The following SLAMF9 variants were observed in gnomAD, a reference collection of about 807,000 sequenced individuals.
The protein encoded by SLAMF9 is CD2 family member 10.
In SLAMF9, 25 loss-of-function variants were observed where a neutral mutation model predicts 30.4. That is an observed-to-expected ratio of 0.82 (90% confidence interval 0.60 to 1.15). SLAMF9 has a LOEUF of 1.15. SLAMF9 is among the 50% of genes most tolerant of loss of function. The probability of loss-of-function intolerance (pLI) is 0.00; values close to 1 mark genes in which losing one functional copy is unlikely to be tolerated. For missense variants in SLAMF9, 344 were observed against 346.1 expected, an observed-to-expected ratio of 0.99 and a Z score of 0.05; for synonymous variants, 129 against 127.2, an observed-to-expected ratio of 1.01 and a Z score of -0.09.
the SLAMF9 span, among the ~76,000 whole-genome samples, chr1:159,964,740 C>G: frequency 6.6e-6 from 1 of 152,154 alleles, no homozygotes; most frequent in Non-Finnish European, 1.5e-5. Context: ...CTTGATTAAA[C>G]AAATTTGAGA....
At chr1:159,951,960 A>G in intron 3 of SLAMF9, 94 bp from the exon 4 acceptor site, 1 of 1,059,114 alleles carries the variant, frequency 9.4e-7, no homozygotes, top group South Asian at 1.5e-5. Context: ...AAGGGGTCTC[A>G]AGTTCACAAT....
chr1:159,952,596 G>T, intron 2 of SLAMF9, 62 bp from the exon 3 acceptor site: 1 of 1,570,722 alleles, frequency 6.4e-7, no homozygotes. Flanking sequence ...GTTTTCCTAA[G>T]CTCCTCAAAC....
the SLAMF9 span, chr1:159,983,650 A>G: frequency 6.6e-6 from 1 of 152,258 alleles, no homozygotes; most frequent in Non-Finnish European, 1.5e-5. Context: ...GCTTAGGCTG[A>G]AAGTCAACAT....
chr1:159,965,298 G>C, the SLAMF9 span, among the ~76,000 whole-genome samples: 5 of 152,202 alleles, frequency 3.3e-5, no homozygotes, highest in Non-Finnish European at 5.9e-5. Flanking sequence ...GGAACACCAA[G>C]GGATGGGGGC....
At chr1:159,966,439 C>T in the SLAMF9 span, among the ~76,000 whole-genome samples, 2 of 152,144 alleles carry the variant, frequency 1.3e-5, no homozygotes, top group Non-Finnish European at 1.5e-5. Flanking sequence ...AAAGGGATAT[C>T]CTTTCAACAC....
In SLAMF9 at chr1:159,953,430, G is replaced by T. The variant is rs866077016; in HGVS notation, c.270C>A (p.Asp90Glu). 1.2e-6 allele frequency: 2 copies of T among 1,614,234 alleles called. No individual in the cohort carries two copies. Among genetic ancestry groups the T allele is most frequent in the African/African-American group, 1.3e-5 (1 of 75,058 alleles). The change falls in exon 2 of 4, where the codon GAC becomes GAA. Residue 90 changes from aspartate to glutamate, a missense_variant. Asp to Glu is a conservative substitution (Grantham distance 45). Transcript: ENST00000368093. ...PHYQGQVSFL[D>E]PSYSLHISNL... is the part of the protein sequence containing the mutation. ...TGCTGATATGCAGGGAATAGCTGGG[G>T]TCCAGGAAGCTCACTTGGCCCTGGT...
the SLAMF9 span, among the ~76,000 whole-genome samples, chr1:159,977,845 G>T: frequency 1.3e-5 from 2 of 152,150 alleles, no homozygotes; most frequent in African/African-American, 4.8e-5. Flanking sequence ...CATGAACATA[G>T]GCGTACTCAT....
At chr1:159,956,564 C>G (rs1651925652), upstream of SLAMF9, among the ~76,000 whole-genome samples, 1 of 152,114 alleles carries the variant, frequency 6.6e-6, no homozygotes, top group Non-Finnish European at 1.5e-5. Flanking sequence ...ATCCTCCAGG[C>G]CCACTGAGTG....
the SLAMF9 span, among the ~76,000 whole-genome samples, chr1:159,968,976 A>C: frequency 6.6e-6 from 1 of 152,058 alleles, no homozygotes; most frequent in African/African-American, 2.4e-5. Flanking sequence ...CAGGTTGTAG[A>C]GGTTGCAGTG....
chr1:159,966,559 G>A, the SLAMF9 span, among the ~76,000 whole-genome samples: 1 of 152,158 alleles, frequency 6.6e-6, no homozygotes, highest in Admixed American at 6.5e-5. Context: ...CATAATAGCT[G>A]TACTAATTTA....
At chr1:159,977,453 T>C in the SLAMF9 span, among the ~76,000 whole-genome samples, 1 of 152,194 alleles carries the variant, frequency 6.6e-6, no homozygotes, top group African/African-American at 2.4e-5. Context: ...TTCTAGTCTC[T>C]TTTCTACCCT....
At chr1:159,959,375 C>A in the SLAMF9 span, among the ~76,000 whole-genome samples, 1 of 152,130 alleles carries the variant, frequency 6.6e-6, no homozygotes, top group East Asian at 1.9e-4. Context: ...GGACATCTGG[C>A]CACACATCTC....
chr1:159,973,103 G>T, the SLAMF9 span: 1 of 1,515,888 alleles, frequency 6.6e-7, no homozygotes, highest in Non-Finnish European at 8.9e-7. Context: ...CTCCTGGGAT[G>T]CAGAGTTCTG....
At chr1:159,968,778 C>T in the SLAMF9 span, among the ~76,000 whole-genome samples, 10 of 152,158 alleles carry the variant, frequency 6.6e-5, no homozygotes, top group African/African-American at 1.9e-4. Context: ...GGCCCAGGCA[C>T]GGTGGCTCAC....
the SLAMF9 span, among the ~76,000 whole-genome samples, chr1:159,977,590 A>C: frequency 2.0e-5 from 3 of 152,228 alleles, no homozygotes; most frequent in African/African-American, 7.2e-5. Flanking sequence ...TCAGTAGAGA[A>C]GCCTGGTGTA....
the SLAMF9 span, among the ~76,000 whole-genome samples, chr1:159,982,677 C>T: frequency 2.0e-5 from 3 of 152,300 alleles, no homozygotes; most frequent in East Asian, 3.9e-4. Flanking sequence ...CATAGTACAT[C>T]GTGTAATGTT....
At chr1:159,957,724 C>T (rs573969280), upstream of SLAMF9, among the ~76,000 whole-genome samples, 13 of 152,240 alleles carry the variant, frequency 8.5e-5, no homozygotes, top group Admixed American at 1.3e-4. Flanking sequence ...TTAGCCATTT[C>T]ACAACATATT....
At chr1:159,960,624 C>A in the SLAMF9 span, among the ~76,000 whole-genome samples, 2 of 152,188 alleles carry the variant, frequency 1.3e-5, no homozygotes, top group South Asian at 4.1e-4. Flanking sequence ...TGCTACTACG[C>A]CTGGCTAATT....
chr1:159,975,624 G>C, the SLAMF9 span, among the ~76,000 whole-genome samples: 1 of 152,106 alleles, frequency 6.6e-6, no homozygotes, highest in Non-Finnish European at 1.5e-5. Context: ...AGATCTGATG[G>C]CTGCCAAGTA....
Sources: gnomAD v4.1 joint callset for allele counts (sites outside exome capture counted in the v4.1 genomes callset) on GRCh38, gnomAD v4.1.1 for gene constraint, MANE v1.5 for transcripts, NCBI Gene and HGNC (gene_info 2026-07-23, HGNC 2026-07-21) for gene names.